MYO15A: variants seen among roughly 807,000 people sequenced by gnomAD.
MYO15A encodes unconventional myosin-XV.
A neutral mutation model predicts 394.6 loss-of-function variants in MYO15A; 308 were observed. The observed-to-expected ratio is 0.78, with a 90% CI of 0.71 to 0.86. The LOEUF (loss-of-function observed/expected upper bound fraction) is 0.86, where lower values mean the gene tolerates loss of function less well. Ranked by LOEUF, MYO15A falls within the 40% of genes least tolerant of loss-of-function variation. MYO15A has a pLI of 0.00. For missense variants in MYO15A, 4,606 were observed against 4,799.1 expected, an observed-to-expected ratio of 0.96 and a Z score of 1.19; for synonymous variants, 1,957 against 2,003.8, an observed-to-expected ratio of 0.98 and a Z score of 0.62.
At position 18,126,602 on chromosome 17, in the gene MYO15A, A is replaced by G. The variant is rs964237812; in HGVS notation, c.3866+146A>G. The stretch of plus-strand genomic sequence containing the variant: ...CTACTCAATCTGACAGTCTCTCCCC[A>G]GGCAGGGCCGAAGCTACAGGTTGGA... On this transcript the variant is annotated intron_variant, in intron 5 of 65. Coordinates refer to ENST00000647165, the MANE Select transcript of MYO15A (RefSeq NM_016239.4). 3 of 1,077,686 alleles carry G rather than the reference A, an allele frequency of 2.8e-6. No homozygotes were observed. In the African/African-American group the frequency reaches 4.7e-5, roughly 17 times the overall value. The allele number at this position is 1,077,686 out of a possible 1,614,324, so 66.8% of individuals were successfully genotyped here. A position where few individuals can be genotyped will look rare whatever the true frequency, so the allele number is the denominator to read the frequency against.
intron 1 of MYO15A, among the ~76,000 whole-genome samples, chr17:18,111,542 C>G (rs1840920233): frequency 6.6e-6 from 1 of 152,192 alleles, no homozygotes; most frequent in Non-Finnish European, 1.5e-5. Context: ...CTCCCTGACA[C>G]CCGCTCTGTG....
At chr17:18,173,644 C>A in intron 64 of MYO15A, 137 bp from the exon 65 acceptor site, 1 of 1,195,220 alleles carries the variant, frequency 8.4e-7, no homozygotes. Context: ...CAAGGTCACG[C>A]AAGTCACTGG....
chr17:18,109,402 G>T, intron 1 of MYO15A: 1 of 174,488 alleles, frequency 5.7e-6, no homozygotes, highest in South Asian at 1.3e-4. Context: ...GTGGATCAGG[G>T]CAGGCACTGC....
chr17:18,163,755 T>G lies in MYO15A; in HGVS notation c.9704T>G (p.Val3235Gly), dbSNP rs2046809195. The change falls in exon 60 of 66, where the codon GTG becomes GGG. Residue 3235 changes from valine (V) to glycine (G), a missense_variant. Around this residue, in one of 2 missense-constraint regions of MYO15A, gnomAD observed 2,776 missense variants for 3,109.3 expected, o/e 0.89. Coordinates refer to ENST00000647165, the MANE Select transcript of MYO15A (RefSeq NM_016239.4). ...KIKTCTVALD[V>G]VEEICAEMAL... ...CCCCACCCCCAGGTGGCCCTGGACG[T>G]GGTGGAAGAGATATGTGCTGAGATG... is the stretch of plus-strand genomic sequence containing the variant. 1.9e-6 allele frequency: 3 copies of G among 1,613,534 alleles called. No homozygotes were observed. The highest frequency in any genetic ancestry group is 2.5e-6 in the Non-Finnish European group (3 of 1,179,756).
At position 18,170,573 on chromosome 17, in the gene MYO15A, G is replaced by A. The variant is rs116917309; in HGVS notation, c.10083-1065G>A. 2.9e-3 allele frequency among the ~76,000 whole-genome samples: 434 copies of A among 151,910 alleles called. 12 individuals carry two copies. The highest frequency in any genetic ancestry group is 0.021 in the East Asian group (108 of 5,150). On this transcript the variant is annotated intron_variant, in intron 62 of 65. Transcript: ENST00000647165. Reference sequence around the variant, plus strand: ...GGGGTCTTACCATGTTGACCAGACTGGTCTCGAACTCTTGGGCTCAAAGTT... The same window carrying A: ...GGGGTCTTACCATGTTGACCAGACTAGTCTCGAACTCTTGGGCTCAAAGTT...
chr17:18,126,104 T>C (rs1255932837), intron 4 of MYO15A, among the ~76,000 whole-genome samples: 3 of 152,202 alleles, frequency 2.0e-5, no homozygotes, highest in African/African-American at 7.2e-5. Flanking sequence ...CCACCCAGGA[T>C]CGTGGCTGTG....
rs761924014 is a variant in MYO15A, at chr17:18,153,787, G to A, written c.7979G>A (p.Arg2660Gln). The A allele has an allele frequency of 6.2e-7, 1 of 1,613,604 alleles. No individual in the cohort carries two copies. Among genetic ancestry groups the A allele is most frequent in the South Asian group, 1.1e-5 (1 of 91,082 alleles). Reference protein sequence around the residue: ...SMAPTSALPSRSLEPPEELTQ... With the variant: ...SMAPTSALPSQSLEPPEELTQ... ...CCGCGCTCTCCAGCTCTGCCCTCGC[G>A]ATCGCTGGAGCCCCCTGAGGAACTC... Residue 2660 changes from arginine (R) to glutamine (Q), a missense_variant, in exon 43 of 66, where the codon CGA (arginine) becomes CAA (glutamine). Coordinates refer to ENST00000647165, the MANE Select transcript of MYO15A (RefSeq NM_016239.4). The surrounding 1 kb of genome is among the most constrained non-coding windows in gnomAD (Gnocchi z 4.1).
chr17:18,167,275 T>C (rs2046867998), intron 61 of MYO15A, among the ~76,000 whole-genome samples: 1 of 152,124 alleles, frequency 6.6e-6, no homozygotes, highest in Admixed American at 6.5e-5. Context: ...TCAGGCACAC[T>C]CAGTTTTGAG....
rs1452189384 is a variant in MYO15A, at chr17:18,150,161, T to C, written c.7213-268T>C. ...CACCCCCACTGCCCCTGGCATGATATGCAGCCCTGAGCAGGGCACAACCCC... is the reference window on the plus strand; with the variant it reads ...CACCCCCACTGCCCCTGGCATGATACGCAGCCCTGAGCAGGGCACAACCCC... On this transcript the variant is annotated intron_variant, in intron 35 of 65. Transcript: ENST00000647165. The surrounding 1 kb of genome is among the most constrained non-coding windows in gnomAD (Gnocchi z 4.4). Among the ~76,000 whole-genome samples, 1 of 151,938 alleles carries C rather than the reference T, an allele frequency of 6.6e-6. No individual in the cohort carries two copies. The highest frequency in any genetic ancestry group is 2.4e-5 in the African/African-American group (1 of 41,338).
Position 18,119,270 on chromosome 17 carries a change from A to G in MYO15A, c.470A>G (p.Asp157Gly), listed in dbSNP as rs1334961916. 6.2e-7 allele frequency: 1 copy of G among 1,612,130 alleles called. No individual in the cohort carries two copies. Among genetic ancestry groups the G allele is most frequent in the Non-Finnish European group, 8.5e-7 (1 of 1,179,830 alleles). Reference protein sequence around the residue: ...EESGSEQATVDAWLQRSSSRM... With the variant: ...EESGSEQATVGAWLQRSSSRM... ...TCGGGCAGCGAACAGGCCACAGTGG[A>G]CGCCTGGCTGCAGCGCTCGAGCTCC... Residue 157 changes from aspartate to glycine, a missense_variant, in exon 2 of 66, where the codon GAC becomes GGC. Transcript: ENST00000647165.
intron 61 of MYO15A, 51 bp from the exon 62 acceptor site, chr17:18,167,539 T>A: frequency 6.3e-7 from 1 of 1,598,912 alleles, no homozygotes; most frequent in Non-Finnish European, 8.5e-7. Context: ...TGCAGCCAAG[T>A]GCCTGCACGC....
Position 18,148,984 on chromosome 17 carries a change from G to A in MYO15A, c.6956+32G>A. Reference sequence around the variant, plus strand: ...AGCTATGGGGGACCCCCTCACAGATGGCCACTCCCAGGCAGAAGGCCGGCC... The same window carrying A: ...AGCTATGGGGGACCCCCTCACAGATAGCCACTCCCAGGCAGAAGGCCGGCC... On this transcript the variant is annotated intron_variant, in intron 33 of 65. Coordinates refer to ENST00000647165, the MANE Select transcript of MYO15A (RefSeq NM_016239.4). The surrounding 1 kb of genome is among the most constrained non-coding windows in gnomAD (Gnocchi z 4.8). 1 of 1,558,950 alleles carries A rather than the reference G, an allele frequency of 6.4e-7. No individual in the cohort carries two copies. Among genetic ancestry groups the A allele is most frequent in the Non-Finnish European group, 8.7e-7 (1 of 1,152,382 alleles).
intron 2 of MYO15A, 118 bp from the exon 3 acceptor site, chr17:18,124,365 T>A (rs2045992935): frequency 2.0e-6 from 2 of 1,006,746 alleles, no homozygotes; most frequent in Non-Finnish European, 3.0e-6. Context: ...AGGACCCACC[T>A]GGCCTTGGGG....
chr17:18,148,529 G>C lies in MYO15A; in HGVS notation c.6725G>C (p.Ser2242Thr). ...DQFSCPVHSW[S>T]TGEEVAGDIL... ...TTCTCCTGCCCGGTGCACTCCTGGA[G>C]TACGGGGGAAGAGGTGGCTGGAGAC... The change falls in exon 32 of 66, where the codon AGT (serine) becomes ACT (threonine). Residue 2242 changes from serine (S) to threonine (T), a missense_variant. By Grantham distance (58) the Ser-to-Thr change is moderately conservative. This residue lies in a region of MYO15A where 2,776 missense variants were observed against 3,109.3 expected (regional missense o/e 0.89). Coordinates refer to ENST00000647165, the MANE Select transcript of MYO15A (RefSeq NM_016239.4). This position sits in a 1 kb window ranked among gnomAD's most constrained non-coding sequence, Gnocchi z 4.8. 2 of 1,552,928 alleles carry C rather than the reference G, an allele frequency of 1.3e-6. No homozygotes were observed. Among genetic ancestry groups the C allele is most frequent in the Non-Finnish European group, 1.7e-6 (2 of 1,147,582 alleles).
chr17:18,150,295 G>C lies in MYO15A; in HGVS notation c.7213-134G>C. The stretch of plus-strand genomic sequence containing the variant: ...CATAGGGGTAAAGGCTGAGCATACA[G>C]CAGACACTGAGCCAGTGGGAGGCTG... On this transcript the variant is annotated intron_variant, in intron 35 of 65. Transcript: ENST00000647165. This position sits in a 1 kb window ranked among gnomAD's most constrained non-coding sequence, Gnocchi z 4.4. The C allele has an allele frequency of 1.3e-6, 1 of 775,264 alleles. No individual in the cohort carries two copies. Among genetic ancestry groups the C allele is most frequent in the Non-Finnish European group, 2.3e-6 (1 of 441,066 alleles). 48.0% of individuals were successfully genotyped at this position (775,264 alleles called of 1,614,324 possible).
At chr17:18,172,029 GAGGAGA>G (rs2046949367) in intron 63 of MYO15A, 122 bp from the exon 64 acceptor site, 2 of 1,505,358 alleles carry the variant, frequency 1.3e-6, no homozygotes, top group Admixed American at 3.6e-5. Context: ...AGAGAGATGG[GAGGAGA>G]CCCAGACCAA....
Position 18,154,661 on chromosome 17 carries a change from T to C in MYO15A, c.8149-19T>C. On this transcript the variant is annotated intron_variant, in intron 44 of 65. Transcript: ENST00000647165. ...GGGGGAGTCCCATGTGCTGCCTGCA[T>C]CACAGCCTGTTCCCACAGATCCTGC... The C allele has an allele frequency of 6.2e-7, 1 of 1,612,430 alleles. No individual in the cohort carries two copies. Among genetic ancestry groups the C allele is most frequent in the African/African-American group, 1.3e-5 (1 of 75,024 alleles).
rs746937331 is a variant in MYO15A, at chr17:18,119,949, C to T, written c.1149C>T (p.Gly383=). The part of the protein sequence containing the change: ...GVHYTVPYAE[G]VYGGGDEAIY... The stretch of plus-strand genomic sequence containing the variant: ...ACTACACCGTCCCCTATGCCGAAGG[C>T]GTCTATGGCGGTGGGGACGAGGCCA... Residue 383 remains glycine, a synonymous_variant, in exon 2 of 66, where the codon GGC becomes GGT. Transcript: ENST00000647165. 1 of 1,613,714 alleles carries T rather than the reference C, an allele frequency of 6.2e-7. No homozygotes were observed. Among genetic ancestry groups the T allele is most frequent in the Admixed American group, 1.7e-5 (1 of 60,030 alleles).
chr17:18,138,315 C>A, intron 17 of MYO15A, 69 bp downstream of exon 17: 3 of 1,556,880 alleles, frequency 1.9e-6, no homozygotes, highest in Non-Finnish European at 2.6e-6. Context: ...TCATCCCACC[C>A]TGACTCCTTC....
Sources: gnomAD v4.1 joint callset for allele counts (sites outside exome capture counted in the v4.1 genomes callset) on GRCh38, gnomAD v4.1.1 for gene constraint, gnomAD v4.1.1 regional missense constraint, Gnocchi (gnomAD v3.1) non-coding constraint, MANE v1.5 for transcripts, NCBI Gene and HGNC (gene_info 2026-07-23, HGNC 2026-07-21) for gene names.